The following CADM2 variants were observed in gnomAD, a reference collection of about 807,000 sequenced individuals.
CADM2 encodes immunoglobulin superfamily member 4D.
CADM2 carries 12 observed loss-of-function variants against 49.8 expected under a neutral mutation model. The observed-to-expected ratio is 0.24, with a 90% CI of 0.15 to 0.39. CADM2 has a LOEUF of 0.39. Ranked by LOEUF, CADM2 falls within the 10% of genes least tolerant of loss-of-function variation. The pLI is 1.00. For missense variants in CADM2, 378 were observed against 492.3 expected, an observed-to-expected ratio of 0.77 and a Z score of 2.20; for synonymous variants, 214 against 175.4, an observed-to-expected ratio of 1.22 and a Z score of -1.74.
intron 1 of CADM2, among the ~76,000 whole-genome samples, chr3:85,294,608 C>G (rs1315859774): frequency 6.6e-5 from 10 of 151,910 alleles, no homozygotes; most frequent in Non-Finnish European, 4.4e-5. Context: ...ATCAATGGAA[C>G]AGAACAGAGC....
intron 3 of CADM2, among the ~76,000 whole-genome samples, chr3:85,882,301 G>C (rs1712929860): frequency 6.6e-6 from 1 of 152,030 alleles, no homozygotes; most frequent in African/African-American, 2.4e-5. Flanking sequence ...TGTTAGTAAG[G>C]CTCCTACTTC....
intron 1 of CADM2, among the ~76,000 whole-genome samples, chr3:85,371,677 G>GTGTGTGTGTA (rs1251505613): frequency 1.1e-4 from 10 of 95,130 alleles, no homozygotes; most frequent in Admixed American, 1.0e-3. Context: ...GTGTGTGTGT[G>GTGTGTGTGTA]TATATATATA....
At chr3:85,881,777 C>A (rs140755281) in intron 3 of CADM2, among the ~76,000 whole-genome samples, 1 of 152,056 alleles carries the variant, frequency 6.6e-6, no homozygotes, top group African/African-American at 2.4e-5. Context: ...GCACCAGGAA[C>A]CAGTTTTGTG....
At chr3:85,502,170 T>C (rs1355956699) in intron 1 of CADM2, among the ~76,000 whole-genome samples, 1 of 152,162 alleles carries the variant, frequency 6.6e-6, no homozygotes, top group African/African-American at 2.4e-5. Flanking sequence ...ATTACTGAGA[T>C]GTAAGATGTC....
At chr3:85,778,057 T>C (rs942211549) in intron 2 of CADM2, among the ~76,000 whole-genome samples, 1 of 152,160 alleles carries the variant, frequency 6.6e-6, no homozygotes, top group Admixed American at 6.5e-5. Context: ...AGGATATTCA[T>C]ATGGGCTGAG....
chr3:86,017,260 A>G (rs1732392928), intron 8 of CADM2, among the ~76,000 whole-genome samples: 2 of 151,302 alleles, frequency 1.3e-5, no homozygotes, highest in Non-Finnish European at 2.9e-5. Flanking sequence ...TCTGGAAAAT[A>G]TATCCCTTTG....
intron 1 of CADM2, among the ~76,000 whole-genome samples, chr3:85,049,124 G>A (rs1353445726): frequency 6.6e-6 from 1 of 152,058 alleles, no homozygotes; most frequent in Non-Finnish European, 1.5e-5. Flanking sequence ...GAGGATAATG[G>A]CTAATTGGCC....
At chr3:85,216,409 A>C (rs2041929086) in intron 1 of CADM2, among the ~76,000 whole-genome samples, 1 of 149,452 alleles carries the variant, frequency 6.7e-6, no homozygotes, top group Admixed American at 6.7e-5. Flanking sequence ...TATTACATTA[A>C]TTTTACATTA....
intron 1 of CADM2, among the ~76,000 whole-genome samples, chr3:85,571,084 C>T (rs1004661581): frequency 1.2e-4 from 19 of 152,152 alleles, no homozygotes; most frequent in Non-Finnish European, 2.5e-4. Context: ...TAGAGTTCTC[C>T]TCTACTGCAT....
intron 1 of CADM2, among the ~76,000 whole-genome samples, chr3:85,456,559 T>A (rs1032972945): frequency 1.3e-5 from 2 of 152,224 alleles, no homozygotes; most frequent in Non-Finnish European, 2.9e-5. Context: ...CTCAAATTTT[T>A]ATATAGCATA....
At chr3:85,294,956 C>A (rs902108543) in intron 1 of CADM2, among the ~76,000 whole-genome samples, 21 of 152,036 alleles carry the variant, frequency 1.4e-4, no homozygotes, top group East Asian at 3.9e-4. Context: ...AAATTAAACT[C>A]AAGAGCTTCT....
At chr3:85,161,940 G>C (rs2040338824) in intron 1 of CADM2, among the ~76,000 whole-genome samples, 1 of 151,978 alleles carries the variant, frequency 6.6e-6, no homozygotes, top group African/African-American at 2.4e-5. Flanking sequence ...TCCAGGGATG[G>C]GGAGGTTGCA....
chr3:85,876,306 A>C (rs1423708347), intron 3 of CADM2, among the ~76,000 whole-genome samples: 2 of 152,192 alleles, frequency 1.3e-5, no homozygotes, highest in Non-Finnish European at 2.9e-5. Flanking sequence ...ACACAGTATA[A>C]AATATTCACT....
intron 2 of CADM2, among the ~76,000 whole-genome samples, chr3:85,741,238 G>T (rs573729228): frequency 6.6e-6 from 1 of 152,030 alleles, no homozygotes; most frequent in East Asian, 1.9e-4. Context: ...GCCAATCGCT[G>T]CCCTGTTTAT....
intron 3 of CADM2, among the ~76,000 whole-genome samples, chr3:85,857,816 A>T (rs2075374027): frequency 6.6e-6 from 1 of 152,178 alleles, no homozygotes; most frequent in Admixed American, 6.5e-5. Flanking sequence ...ATTGAATTGA[A>T]TTTTTACCAC....
Position 85,923,626 on chromosome 3 carries a change from A to T in CADM2, c.700+11083A>T, listed in dbSNP as rs180987856. ...GTTTCTATACTTCTTTTAATTTTTT[A>T]CAAAAGAAAATCCAAAACCTGGGCA... On this transcript the variant is annotated intron_variant, in intron 6 of 9. Transcript: ENST00000383699. Among the ~76,000 whole-genome samples, 501 of 151,892 alleles carry T rather than the reference A, an allele frequency of 3.3e-3. 1 individual carries two copies. The highest frequency in any genetic ancestry group is 5.4e-3 in the Non-Finnish European group (368 of 67,948).
chr3:85,875,427 A>G (rs576462477), intron 3 of CADM2, among the ~76,000 whole-genome samples: 20 of 152,328 alleles, frequency 1.3e-4, no homozygotes, highest in African/African-American at 4.6e-4. Context: ...GATACAAAGT[A>G]TAACATCTGA....
intron 2 of CADM2, among the ~76,000 whole-genome samples, chr3:85,756,031 C>T (rs541463443): frequency 3.3e-5 from 5 of 152,266 alleles, no homozygotes; most frequent in African/African-American, 1.2e-4. Flanking sequence ...GCCACCATGA[C>T]ACACCTTGTT....
intron 2 of CADM2, among the ~76,000 whole-genome samples, chr3:85,740,021 C>G (rs920234312): frequency 6.6e-6 from 1 of 152,100 alleles, no homozygotes; most frequent in Non-Finnish European, 1.5e-5. Context: ...AGAAAGAGAT[C>G]TGTTATGAGT....
Sources: gnomAD v4.1 joint callset for allele counts (sites outside exome capture counted in the v4.1 genomes callset) on GRCh38, gnomAD v4.1.1 for gene constraint, MANE v1.5 for transcripts, NCBI Gene and HGNC (gene_info 2026-07-23, HGNC 2026-07-21) for gene names.